SBF2: variants seen among roughly 807,000 people sequenced by gnomAD.
SBF2 encodes SET binding factor 2, also known as myotubularin-related protein 13.
A neutral mutation model predicts 225.2 loss-of-function variants in SBF2; 112 were observed. The ratio of observed to expected loss-of-function variants is 0.50; its 90% confidence interval spans 0.43 to 0.58. SBF2 has a LOEUF of 0.58. Among genes scored for constraint, SBF2 ranks in the 20% least tolerant of loss-of-function variants. SBF2 has a pLI of 0.00. For synonymous variants in SBF2, 763 were observed against 773.3 expected, an observed-to-expected ratio of 0.99 and a Z score of 0.22; for missense variants, 1,996 against 2,206.2, an observed-to-expected ratio of 0.90 and a Z score of 1.91.
At chr11:10,226,251 C>T (rs1221294658) in intron 1 of SBF2, among the ~76,000 whole-genome samples, 5 of 152,022 alleles carry the variant, frequency 3.3e-5, no homozygotes, top group Admixed American at 1.3e-4. Context: ...AAACGAGTCA[C>T]AAAACAGCAT....
At chr11:9,898,566 G>C (rs750514708) in intron 16 of SBF2, among the ~76,000 whole-genome samples, 18 of 152,136 alleles carry the variant, frequency 1.2e-4, no homozygotes, top group Non-Finnish European at 2.2e-4. Context: ...AGCTACTCAG[G>C]AGGCTGAGGC....
chr11:9,932,300 G>A (rs182496051), intron 16 of SBF2, among the ~76,000 whole-genome samples: 29 of 152,222 alleles, frequency 1.9e-4, no homozygotes, highest in Admixed American at 1.8e-3. Context: ...GATACTCCTC[G>A]AGAAGAGCAA....
chr11:9,841,980 G>C (rs1236365512), intron 25 of SBF2, among the ~76,000 whole-genome samples: 2 of 151,740 alleles, frequency 1.3e-5, no homozygotes, highest in Non-Finnish European at 2.9e-5. Context: ...ATCCTGAGGG[G>C]AAAAAAAGGG....
intron 2 of SBF2, among the ~76,000 whole-genome samples, chr11:10,124,347 G>C (rs1216640379): frequency 2.0e-5 from 3 of 152,126 alleles, no homozygotes; most frequent in Non-Finnish European, 4.4e-5. Context: ...TCTGATTAGA[G>C]TCTAGACACT....
At chr11:9,929,497 A>G (rs1361268311) in intron 16 of SBF2, among the ~76,000 whole-genome samples, 1 of 152,190 alleles carries the variant, frequency 6.6e-6, no homozygotes, top group Non-Finnish European at 1.5e-5. Context: ...GTCTGCTGCC[A>G]GTCTGATCCA....
intron 16 of SBF2, among the ~76,000 whole-genome samples, chr11:9,930,992 C>T (rs1037363161): frequency 6.6e-6 from 1 of 152,254 alleles, no homozygotes; most frequent in Non-Finnish European, 1.5e-5. Context: ...GAGCCTTGCT[C>T]ACTGCAAGCT....
intron 1 of SBF2, among the ~76,000 whole-genome samples, chr11:10,217,618 C>A (rs2135397888): frequency 6.6e-6 from 1 of 152,092 alleles, no homozygotes; most frequent in East Asian, 1.9e-4. Context: ...TGCTACAAGT[C>A]AGAGATGATG....
intron 1 of SBF2, among the ~76,000 whole-genome samples, chr11:10,254,736 A>G (rs75334142): frequency 0.011 from 1,630 of 150,966 alleles, 22 homozygotes; most frequent in African/African-American, 0.038. Flanking sequence ...TGAAATCCCT[A>G]TTAAATATAT....
chr11:9,955,988 T>C (rs1184334479), intron 16 of SBF2, among the ~76,000 whole-genome samples: 1 of 152,142 alleles, frequency 6.6e-6, no homozygotes, highest in African/African-American at 2.4e-5. Context: ...TTGTCCTTTT[T>C]TTTCTTTTTT....
intron 1 of SBF2, among the ~76,000 whole-genome samples, chr11:10,240,714 TA>T (rs1959196760): frequency 6.6e-6 from 1 of 152,244 alleles, no homozygotes; most frequent in Non-Finnish European, 1.5e-5. Flanking sequence ...TCATGGTATT[TA>T]ATGATGTAAC....
intron 16 of SBF2, among the ~76,000 whole-genome samples, chr11:9,917,095 A>G (rs1236927089): frequency 6.6e-6 from 1 of 151,740 alleles, no homozygotes; most frequent in African/African-American, 2.4e-5. Flanking sequence ...CCATTTCAAT[A>G]TGAAAGATCT....
At chr11:9,979,177 C>G (rs998026233) in intron 13 of SBF2, among the ~76,000 whole-genome samples, 1 of 152,044 alleles carries the variant, frequency 6.6e-6, no homozygotes, top group African/African-American at 2.4e-5. Context: ...CCAATTAGCC[C>G]CACTAAAATG....
chr11:10,086,484 T>C (rs1009515829), intron 2 of SBF2, among the ~76,000 whole-genome samples: 7 of 152,182 alleles, frequency 4.6e-5, no homozygotes, highest in Admixed American at 3.3e-4. Flanking sequence ...TAACTTGCAA[T>C]TGCTTGGCTT....
At chr11:9,811,402 G>T (rs1854174958) in intron 30 of SBF2, 1 of 152,180 alleles carries the variant, frequency 6.6e-6, no homozygotes, top group Non-Finnish European at 1.5e-5. Context: ...TCCCAAGTGG[G>T]CAATTATTTT....
intron 17 of SBF2, among the ~76,000 whole-genome samples, chr11:9,890,153 C>G (rs1008018201): frequency 6.6e-6 from 1 of 152,192 alleles, no homozygotes; most frequent in Admixed American, 6.5e-5. Context: ...GATCCAACTG[C>G]CTCGGCCTCC....
intron 13 of SBF2, among the ~76,000 whole-genome samples, chr11:9,974,539 T>G (rs1042251208): frequency 6.6e-6 from 1 of 151,088 alleles, no homozygotes; most frequent in African/African-American, 2.4e-5. Context: ...CAACATACAG[T>G]GACCAGCTAA....
At chr11:10,180,778 T>C (rs925802496) in intron 2 of SBF2, among the ~76,000 whole-genome samples, 5 of 152,178 alleles carry the variant, frequency 3.3e-5, no homozygotes, top group African/African-American at 1.2e-4. Context: ...GTGTTCTGCC[T>C]GTCTTCAAGC....
intron 1 of SBF2, among the ~76,000 whole-genome samples, chr11:10,276,473 A>G (rs1054176538): frequency 1.3e-5 from 2 of 152,180 alleles, no homozygotes; most frequent in Non-Finnish European, 2.9e-5. Context: ...TTATGGTCCC[A>G]ATATTCCAGC....
intron 2 of SBF2, among the ~76,000 whole-genome samples, chr11:10,099,472 C>T (rs1952185715): frequency 6.6e-6 from 1 of 152,030 alleles, no homozygotes; most frequent in Non-Finnish European, 1.5e-5. Flanking sequence ...GGTTCTTTAA[C>T]CTGAAACAAA....
Sources: gnomAD v4.1 joint callset for allele counts (sites outside exome capture counted in the v4.1 genomes callset) on GRCh38, gnomAD v4.1.1 for gene constraint, MANE v1.5 for transcripts, NCBI Gene and HGNC (gene_info 2026-07-23, HGNC 2026-07-21) for gene names.